CCDC178: variants seen among roughly 807,000 people sequenced by gnomAD.
CCDC178 encodes coiled-coil domain-containing protein 178.
CCDC178 carries 126 observed loss-of-function variants against 117.4 expected under a neutral mutation model. The observed-to-expected ratio is 1.07, with a 90% CI of 0.93 to 1.24. The LOEUF (loss-of-function observed/expected upper bound fraction) is 1.24. CCDC178 is among the 50% of genes most tolerant of loss of function. CCDC178 has a pLI of 0.00. For synonymous variants in CCDC178, 283 were observed against 313.4 expected, an observed-to-expected ratio of 0.90 and a Z score of 1.02; for missense variants, 1,030 against 986.9, an observed-to-expected ratio of 1.04 and a Z score of -0.59.
intron 2 of CCDC178, among the ~76,000 whole-genome samples, chr18:33,431,062 G>A (rs1227929814): frequency 1.5e-5 from 2 of 135,406 alleles, no homozygotes; most frequent in African/African-American, 2.7e-5. Context: ...GCAACCGTGC[G>A]AGACTACGTC....
At chr18:33,182,159 C>T (rs2058739595) in intron 20 of CCDC178, among the ~76,000 whole-genome samples, 1 of 151,884 alleles carries the variant, frequency 6.6e-6, no homozygotes, top group Admixed American at 6.6e-5. Context: ...CACAAGAGAA[C>T]TCAGATTAAA....
At chr18:33,409,377 G>A (rs980268557) in intron 3 of CCDC178, among the ~76,000 whole-genome samples, 20 of 152,260 alleles carry the variant, frequency 1.3e-4, no homozygotes, top group Non-Finnish European at 2.1e-4. Context: ...GAGCCACTGC[G>A]CCTGGCCCCA....
rs761461751 is a variant in CCDC178 at position 33,124,381 on chromosome 18, G to A, written c.2239-31471C>T. On this transcript the variant is annotated intron_variant, in intron 20 of 22. Transcript: ENST00000383096. ...CTGTGAGTCCTGATTCCGGGGCCAT[G>A]GGAATCTTTCCACAGGTTTTATGTG... Among the ~76,000 whole-genome samples, 69 of 152,236 alleles carry A rather than the reference G, an allele frequency of 4.5e-4. 1 individual carries two copies. In the Middle Eastern group the frequency reaches 0.014, roughly 30 times the overall value.
rs544947850 is a variant in CCDC178 at position 33,409,909 on chromosome 18, C to A, written c.58+2122G>T. Among the ~76,000 whole-genome samples, 11 of 152,324 alleles carry A rather than the reference C, an allele frequency of 7.2e-5. No individual in the cohort carries two copies. In the South Asian group the frequency reaches 1.7e-3, roughly 23 times the overall value. On this transcript the variant is annotated intron_variant, in intron 3 of 22. Coordinates refer to ENST00000383096, the MANE Select transcript of CCDC178 (RefSeq NM_001105528.4). ...TAAAAGACAATTTATTAACTATATT[C>A]TTTTCCAAAGTGTTAGCCAAACAGA...
At chr18:33,051,719 C>A (rs570894185) in intron 21 of CCDC178, among the ~76,000 whole-genome samples, 1 of 152,146 alleles carries the variant, frequency 6.6e-6, no homozygotes, top group South Asian at 2.1e-4. Context: ...TTGCTCAGTC[C>A]AGGGGCGCCA....
intron 5 of CCDC178, among the ~76,000 whole-genome samples, chr18:33,371,861 T>C (rs2063306352): frequency 6.7e-6 from 1 of 149,268 alleles, no homozygotes; most frequent in South Asian, 2.1e-4. Flanking sequence ...CTAGTAAAAA[T>C]TGCATATTGA....
At chr18:33,119,809 G>T (rs2057911241) in intron 20 of CCDC178, among the ~76,000 whole-genome samples, 1 of 152,164 alleles carries the variant, frequency 6.6e-6, no homozygotes, top group Non-Finnish European at 1.5e-5. Flanking sequence ...TGATAGACTG[G>T]ATTAAGAAAA....
At chr18:33,094,418 C>T (rs2057512448) in intron 20 of CCDC178, among the ~76,000 whole-genome samples, 1 of 151,934 alleles carries the variant, frequency 6.6e-6, no homozygotes. Flanking sequence ...AAGTGATTAA[C>T]TTGTAACATT....
At chr18:33,349,473 T>C (rs1331058973) in intron 7 of CCDC178, among the ~76,000 whole-genome samples, 1 of 151,946 alleles carries the variant, frequency 6.6e-6, no homozygotes, top group African/African-American at 2.4e-5. Context: ...TTGATTATCA[T>C]AGAAAGTTCT....
chr18:33,154,688 G>C (rs988121182), intron 20 of CCDC178, among the ~76,000 whole-genome samples: 14 of 152,068 alleles, frequency 9.2e-5, no homozygotes, highest in Non-Finnish European at 1.2e-4. Context: ...GAGAGATAAA[G>C]TAAAAGGATG....
chr18:33,272,491 G>C (rs2059902573), intron 12 of CCDC178, among the ~76,000 whole-genome samples: 1 of 151,500 alleles, frequency 6.6e-6, no homozygotes, highest in African/African-American at 2.4e-5. Context: ...ATCGACATGG[G>C]TCTTTCACAA....
intron 18 of CCDC178, 42 bp downstream of exon 18, chr18:33,223,063 TA>T: frequency 7.0e-7 from 1 of 1,430,172 alleles, no homozygotes; most frequent in Non-Finnish European, 9.7e-7. Context: ...CTGACATACA[TA>T]AACTGTAAAT....
At chr18:33,179,116 ATATATATATATAAAC>A (rs559883903) in intron 20 of CCDC178, among the ~76,000 whole-genome samples, 7,922 of 115,196 alleles carry the variant, frequency 0.069, 627 homozygotes, top group Non-Finnish European at 0.11. Context: ...TATAAACTAT[ATATATATATATAAAC>A]TATATATATA....
intron 11 of CCDC178, among the ~76,000 whole-genome samples, chr18:33,309,252 T>G (rs1019386988): frequency 6.6e-6 from 1 of 151,520 alleles, no homozygotes; most frequent in Non-Finnish European, 1.5e-5. Flanking sequence ...GAATCAGTGG[T>G]AAAAATACCC....
chr18:32,949,983 T>C (rs1246742347), intron 22 of CCDC178, among the ~76,000 whole-genome samples: 1 of 152,150 alleles, frequency 6.6e-6, no homozygotes, highest in Non-Finnish European at 1.5e-5. Context: ...AGGCAAGACT[T>C]TTCTGAGGAT....
intron 5 of CCDC178, among the ~76,000 whole-genome samples, chr18:33,371,753 C>T (rs2063303184): frequency 6.7e-6 from 1 of 149,392 alleles, no homozygotes; most frequent in Non-Finnish European, 1.5e-5. Context: ...ATGTTACAGT[C>T]CATCTTTCCT....
chr18:33,434,053 C>T (rs959356253), intron 2 of CCDC178, among the ~76,000 whole-genome samples: 2 of 152,036 alleles, frequency 1.3e-5, no homozygotes, highest in African/African-American at 4.8e-5. Context: ...AATCAAAATT[C>T]ATCCAACAGT....
intron 21 of CCDC178, among the ~76,000 whole-genome samples, chr18:32,998,755 A>T (rs748542683): frequency 1.3e-5 from 2 of 152,114 alleles, no homozygotes; most frequent in Admixed American, 6.5e-5. Context: ...CCTTGAAGGG[A>T]AGGACCTCAT....
intron 6 of CCDC178, among the ~76,000 whole-genome samples, chr18:33,368,643 AAAAC>A (rs1353593094): frequency 1.3e-5 from 2 of 151,966 alleles, no homozygotes; most frequent in African/African-American, 4.8e-5. Context: ...ATGGGCTTTG[AAAAC>A]AGACAGAGGG....
Sources: allele counts gnomAD v4.1 joint callset (sites outside exome capture counted in the v4.1 genomes callset), GRCh38; gene constraint gnomAD v4.1.1; transcripts MANE v1.5; gene names NCBI Gene and HGNC (gene_info 2026-07-23, HGNC 2026-07-21).